The following ATCAY variants were observed in gnomAD, a reference collection of about 807,000 sequenced individuals.
The protein encoded by ATCAY is ATCAY kinesin light chain interacting caytaxin.
A neutral mutation model predicts 47.7 loss-of-function variants in ATCAY; 22 were observed. The ratio of observed to expected loss-of-function variants is 0.46; its 90% confidence interval spans 0.33 to 0.66. The LOEUF is 0.66. Ranked by LOEUF, ATCAY falls within the 30% of genes least tolerant of loss-of-function variation. The pLI is 0.02. For missense variants in ATCAY, 452 were observed against 515.0 expected (o/e 0.88, Z 1.18); for synonymous variants, 216 against 207.6 (o/e 1.04, Z -0.35).
chr19:3,911,903 G>A (rs2038925383), intron 8 of ATCAY, among the ~76,000 whole-genome samples: 1 of 152,168 alleles, frequency 6.6e-6, no homozygotes, highest in South Asian at 2.1e-4. Flanking sequence ...TTCAAGGACT[G>A]CTAAGTACCC....
chr19:3,916,758 G>A (rs932807033), intron 9 of ATCAY, among the ~76,000 whole-genome samples: 1 of 151,474 alleles, frequency 6.6e-6, no homozygotes, highest in East Asian at 1.9e-4. Context: ...GATTACAGGC[G>A]TGAGCCATCG....
In ATCAY at chr19:3,902,437, T is replaced by G. The variant is rs564270693; in HGVS notation, c.78-50T>G. 27 of 1,541,298 alleles carry G rather than the reference T, an allele frequency of 1.8e-5. No homozygotes were observed. The South Asian group carries it at 2.7e-4, about 16-fold the overall frequency. On this transcript the variant is annotated intron_variant, in intron 2 of 12. Coordinates refer to ENST00000450849, the MANE Select transcript of ATCAY (RefSeq NM_033064.5). The stretch of plus-strand genomic sequence containing the variant: ...CTGGGCCACTCCACTGTCCTCTGCC[T>G]GAATCTCTGGTGCCCGGCGACTGAT...
intron 2 of ATCAY, among the ~76,000 whole-genome samples, chr19:3,896,652 C>T (rs973604330): frequency 2.0e-5 from 3 of 152,186 alleles, no homozygotes; most frequent in Non-Finnish European, 4.4e-5. Flanking sequence ...CTGTGTGGAC[C>T]GTCCAAGGTT....
chr19:3,895,716 CTTTTTTT>C (rs537910730), intron 2 of ATCAY, among the ~76,000 whole-genome samples: 91 of 129,646 alleles, frequency 7.0e-4, no homozygotes, highest in African/African-American at 2.1e-3. Flanking sequence ...CTTTTCTTTT[CTTTTTTT>C]TTTTTTTTTT....
chr19:3,889,243 G>A (rs984409387), intron 2 of ATCAY, among the ~76,000 whole-genome samples: 2 of 152,074 alleles, frequency 1.3e-5, no homozygotes, highest in Non-Finnish European at 2.9e-5. Context: ...GAGAAACCCC[G>A]TCTCTACTAA....
rs565220890 is a variant in ATCAY at position 3,926,159 on chromosome 19, A to G, written c.*1567A>G. On this transcript the variant is annotated 3_prime_UTR_variant, in exon 13 of 13. Transcript: ENST00000450849. ...CGTCTCTAATAAAAATACAAAAATT[A>G]GCCGGGCATGGTGGTGCATGCCTGT... The G allele has an allele frequency of 1.3e-5, 2 of 151,934 alleles. No homozygotes were observed. The highest frequency in any genetic ancestry group is 4.2e-4 in the South Asian group (2 of 4,810). The allele number at this position is 151,934 out of a possible 1,614,324, so 9.4% of individuals were successfully genotyped here.
chr19:3,912,105 G>C (rs1487725954), intron 8 of ATCAY, among the ~76,000 whole-genome samples: 2 of 152,032 alleles, frequency 1.3e-5, no homozygotes, highest in African/African-American at 4.8e-5. Flanking sequence ...TATTAGGATG[G>C]TGCAAAAATA....
chr19:3,920,916 A>G (rs2039012510), intron 12 of ATCAY, 118 bp downstream of exon 12: 1 of 1,250,434 alleles, frequency 8.0e-7, no homozygotes, highest in African/African-American at 1.5e-5. Flanking sequence ...AATATAAAGC[A>G]GGCAGGGATC....
chr19:3,901,676 C>T (rs1428125544), intron 2 of ATCAY, among the ~76,000 whole-genome samples: 3 of 152,118 alleles, frequency 2.0e-5, no homozygotes, highest in African/African-American at 4.8e-5. Flanking sequence ...AGCCCTGATG[C>T]GTTATAATTT....
At chr19:3,906,852 G>A (rs1040396866) in intron 4 of ATCAY, among the ~76,000 whole-genome samples, 18 of 151,962 alleles carry the variant, frequency 1.2e-4, no homozygotes, top group Admixed American at 3.3e-4. Context: ...GACAGACCAC[G>A]AAAGGCCAGG....
chr19:3,881,807 G>A (rs1488340002), intron 1 of ATCAY, among the ~76,000 whole-genome samples: 1 of 149,838 alleles, frequency 6.7e-6, no homozygotes, highest in Non-Finnish European at 1.5e-5. Flanking sequence ...GAGCAAATGC[G>A]TTTCTACTGC....
intron 1 of ATCAY, among the ~76,000 whole-genome samples, chr19:3,883,858 G>C (rs2038623609): frequency 6.6e-6 from 1 of 152,068 alleles, no homozygotes; most frequent in Non-Finnish European, 1.5e-5. Flanking sequence ...ACCCAGAGAG[G>C]GAGATGGTCT....
chr19:3,893,904 T>TGC (rs1228580930), intron 2 of ATCAY, among the ~76,000 whole-genome samples: 1 of 147,726 alleles, frequency 6.8e-6, no homozygotes, highest in African/African-American at 2.5e-5. Flanking sequence ...CTGCTCTCTC[T>TGC]GCGCCAGGCA....
intron 2 of ATCAY, among the ~76,000 whole-genome samples, chr19:3,890,356 G>A (rs918017012): frequency 7.3e-6 from 1 of 137,386 alleles, no homozygotes; most frequent in Non-Finnish European, 1.5e-5. Context: ...TCCACCTCCC[G>A]GGTTCAAGCA....
chr19:3,915,372 A>G (rs1299774271), intron 9 of ATCAY, among the ~76,000 whole-genome samples: 5 of 145,140 alleles, frequency 3.4e-5, no homozygotes, highest in Non-Finnish European at 1.5e-5. Context: ...TTTAGTAGAG[A>G]CAGGGTTTCT....
rs558257680 is a variant in ATCAY at position 3,908,033 on chromosome 19, C to T, written c.544+114C>T. The T allele has an allele frequency of 5.5e-5, 76 of 1,376,374 alleles. 1 individual carries two copies. In the African/African-American group the frequency reaches 8.2e-4, roughly 15 times the overall value. The allele number at this position is 1,376,374 out of a possible 1,614,324, so 85.3% of individuals were successfully genotyped here. A position where few individuals can be genotyped will look rare whatever the true frequency, so the allele number is the denominator to read the frequency against. ...GGGATGTTAAGCCGTCAACTCGCTT[C>T]GGGTGGACGGACTGTGGGCAAGGCG... is the stretch of plus-strand genomic sequence containing the variant. On this transcript the variant is annotated intron_variant, in intron 5 of 12. Transcript: ENST00000450849.
chr19:3,924,267 GGA>G, intron 12 of ATCAY, among the ~76,000 whole-genome samples: 1 of 151,832 alleles, frequency 6.6e-6, no homozygotes, highest in Non-Finnish European at 1.5e-5. Flanking sequence ...ATGGATGGAT[GGA>G]TGGGTGGATG....
At position 3,883,172 on chromosome 19, in the gene ATCAY, G is replaced by A. The variant is rs555931918; in HGVS notation, c.-42+2164G>A. On this transcript the variant is annotated intron_variant, in intron 1 of 12. Coordinates refer to ENST00000450849, the MANE Select transcript of ATCAY (RefSeq NM_033064.5). Reference sequence around the variant, plus strand: ...AGGTGGATCATGAGGTCAGGAGTTCGAGACCAGCCTGGCCAATATAGTGAA... The same window carrying A: ...AGGTGGATCATGAGGTCAGGAGTTCAAGACCAGCCTGGCCAATATAGTGAA... Among the ~76,000 whole-genome samples, 347 of 152,094 alleles carry A rather than the reference G, an allele frequency of 2.3e-3. 5 individuals carry two copies. Among genetic ancestry groups the A allele is most frequent in the Non-Finnish European group, 1.5e-3 (99 of 67,972 alleles).
intron 8 of ATCAY, among the ~76,000 whole-genome samples, chr19:3,911,470 G>T (rs569018254): frequency 4.5e-4 from 69 of 152,134 alleles, no homozygotes; most frequent in African/African-American, 1.6e-3. Flanking sequence ...GCTGCAGTGA[G>T]CTATGATCAC....
Sources: allele counts gnomAD v4.1 joint callset (sites outside exome capture counted in the v4.1 genomes callset), GRCh38; gene constraint gnomAD v4.1.1; transcripts MANE v1.5; gene names NCBI Gene and HGNC (gene_info 2026-07-23, HGNC 2026-07-21).